The following ZNRF3 variants were observed in gnomAD, a reference collection of about 807,000 sequenced individuals.
ZNRF3 encodes E3 ubiquitin-protein ligase ZNRF3.
A neutral mutation model predicts 72.5 loss-of-function variants in ZNRF3; 23 were observed. The observed-to-expected ratio is 0.32, with a 90% confidence interval of 0.23 to 0.45. ZNRF3 has a LOEUF of 0.45. Ranked by LOEUF, ZNRF3 falls within the 20% of genes least tolerant of loss-of-function variation. ZNRF3 has a pLI of 1.00. For missense variants in ZNRF3, 1,169 were observed against 1,272.1 expected (o/e 0.92, Z 1.23); for synonymous variants, 610 against 545.3 (o/e 1.12, Z -1.65).
chr22:29,022,177 AGTAGTT>A (rs1490331366), intron 2 of ZNRF3, among the ~76,000 whole-genome samples: 2 of 152,252 alleles, frequency 1.3e-5, no homozygotes, highest in African/African-American at 4.8e-5. Context: ...TGTGTATAAC[AGTAGTT>A]CATTTCTTTT....
chr22:29,053,063 C>T (rs927412289), intron 8 of ZNRF3, among the ~76,000 whole-genome samples: 3 of 152,138 alleles, frequency 2.0e-5, no homozygotes, highest in Non-Finnish European at 2.9e-5. Context: ...CTCCTTGCTT[C>T]CTGCTTTCAC....
At chr22:29,036,118 A>T (rs1412927593) in intron 2 of ZNRF3, among the ~76,000 whole-genome samples, 1 of 152,224 alleles carries the variant, frequency 6.6e-6, no homozygotes, top group African/African-American at 2.4e-5. Flanking sequence ...AAATGCTGGG[A>T]TATAGGGGGT....
At chr22:28,944,705 A>C (rs2035015573) in intron 1 of ZNRF3, among the ~76,000 whole-genome samples, 1 of 151,352 alleles carries the variant, frequency 6.6e-6, no homozygotes, top group South Asian at 2.1e-4. Flanking sequence ...CAGTGAGCCA[A>C]GATTGTGCCA....
intron 2 of ZNRF3, among the ~76,000 whole-genome samples, chr22:29,021,579 C>A (rs1382877743): frequency 6.6e-6 from 1 of 151,868 alleles, no homozygotes; most frequent in Non-Finnish European, 1.5e-5. Context: ...CCTCCGCCTC[C>A]CAGGTTCTAG....
chr22:28,983,904 T>G (rs1464919418), intron 1 of ZNRF3, among the ~76,000 whole-genome samples: 10 of 152,214 alleles, frequency 6.6e-5, no homozygotes, highest in Admixed American at 6.5e-4. Flanking sequence ...TGTGAAGAGT[T>G]TCTCAGTGTT....
At chr22:28,989,515 T>C (rs2123830327) in intron 2 of ZNRF3, among the ~76,000 whole-genome samples, 1 of 152,294 alleles carries the variant, frequency 6.6e-6, no homozygotes, top group African/African-American at 2.4e-5. Flanking sequence ...GGCAAAGTTA[T>C]CCCCTTGGGC....
intron 1 of ZNRF3, among the ~76,000 whole-genome samples, chr22:28,947,796 A>G (rs948708209): frequency 2.0e-5 from 3 of 152,380 alleles, no homozygotes; most frequent in African/African-American, 7.2e-5. Context: ...GTTAGAATCA[A>G]ACATTTAAAA....
intron 1 of ZNRF3, among the ~76,000 whole-genome samples, chr22:28,913,129 T>C (rs1186862788): frequency 6.6e-6 from 1 of 152,262 alleles, no homozygotes; most frequent in African/African-American, 2.4e-5. Context: ...ATGCCCAAGA[T>C]GAGCTTTTCT....
intron 2 of ZNRF3, among the ~76,000 whole-genome samples, chr22:29,006,452 T>G (rs879473736): frequency 2.0e-5 from 3 of 152,318 alleles, no homozygotes; most frequent in Middle Eastern, 3.4e-3. Context: ...CCTCAGGTGA[T>G]CTGCCTGCCT....
chr22:28,997,782 G>A (rs531248401), intron 2 of ZNRF3, among the ~76,000 whole-genome samples: 11 of 151,938 alleles, frequency 7.2e-5, no homozygotes, highest in African/African-American at 2.4e-4. Flanking sequence ...GAGGCGAGAG[G>A]ATAACTTGAA....
chr22:28,986,214 A>T (rs987575725), intron 1 of ZNRF3, among the ~76,000 whole-genome samples: 2 of 152,204 alleles, frequency 1.3e-5, no homozygotes, highest in African/African-American at 4.8e-5. Flanking sequence ...TTCTGTCTAG[A>T]GTGCATTCTT....
At chr22:28,934,926 G>A (rs532735945) in intron 1 of ZNRF3, among the ~76,000 whole-genome samples, 2 of 147,200 alleles carry the variant, frequency 1.4e-5, no homozygotes, top group South Asian at 4.3e-4. Flanking sequence ...TTTTTTTTCT[G>A]TGCATTTCTC....
chr22:28,908,019 G>A (rs1215525898), intron 1 of ZNRF3, among the ~76,000 whole-genome samples: 2 of 152,194 alleles, frequency 1.3e-5, no homozygotes, highest in Non-Finnish European at 2.9e-5. Flanking sequence ...TTTGGATCAT[G>A]AAAATAATGT....
At chr22:29,003,672 T>A (rs1438008600) in intron 2 of ZNRF3, among the ~76,000 whole-genome samples, 1 of 151,814 alleles carries the variant, frequency 6.6e-6, no homozygotes, top group Non-Finnish European at 1.5e-5. Flanking sequence ...AGACCCTGTC[T>A]CTACAAAACA....
chr22:28,982,622 T>C (rs17518058), intron 1 of ZNRF3, among the ~76,000 whole-genome samples: 39,155 of 151,334 alleles, frequency 0.26, 6,322 homozygotes, highest in Middle Eastern at 0.4. Context: ...AGGAAAGGCC[T>C]CTGTTTCACT....
At chr22:28,986,036 T>A (rs2123827200) in intron 1 of ZNRF3, among the ~76,000 whole-genome samples, 1 of 152,354 alleles carries the variant, frequency 6.6e-6, no homozygotes, top group African/African-American at 2.4e-5. Flanking sequence ...ATCTTTCTCA[T>A]GCTTCCCTGC....
At chr22:28,929,748 T>C (rs2034672054) in intron 1 of ZNRF3, among the ~76,000 whole-genome samples, 1 of 152,226 alleles carries the variant, frequency 6.6e-6, no homozygotes, top group Non-Finnish European at 1.5e-5. Context: ...AGCCTTGTTA[T>C]CTGATACTGT....
intron 2 of ZNRF3, among the ~76,000 whole-genome samples, chr22:29,027,431 TA>T (rs1272640407): frequency 6.6e-6 from 1 of 152,072 alleles, no homozygotes; most frequent in Non-Finnish European, 1.5e-5. Context: ...GTATTTGTAG[TA>T]GAGACGGGGT....
chr22:29,024,668 T>TTGTACAAATCATATGTA (rs1273225683), intron 2 of ZNRF3, among the ~76,000 whole-genome samples: 4 of 151,892 alleles, frequency 2.6e-5, no homozygotes, highest in Admixed American at 2.6e-4. Context: ...TGGCATATGA[T>TTGTACAAATCATATGTA]TGTACCTTCA....
Sources: gnomAD v4.1 joint callset for allele counts (sites outside exome capture counted in the v4.1 genomes callset) on GRCh38, gnomAD v4.1.1 for gene constraint, MANE v1.5 for transcripts, NCBI Gene and HGNC (gene_info 2026-07-23, HGNC 2026-07-21) for gene names.